NCK2: variants seen among roughly 807,000 people sequenced by gnomAD.
NCK2 encodes the protein NCK adaptor protein 2.
In NCK2, 16 loss-of-function variants were observed where a neutral mutation model predicts 33.9. The observed-to-expected ratio is 0.47, with a 90% confidence interval of 0.32 to 0.72. The LOEUF (loss-of-function observed/expected upper bound fraction) is 0.72. Among genes scored for constraint, NCK2 ranks in the 30% least tolerant of loss-of-function variants. The probability of loss-of-function intolerance (pLI) is 0.03; values close to 1 mark genes in which losing one functional copy is unlikely to be tolerated. For synonymous variants in NCK2, 273 were observed against 239.9 expected, an observed-to-expected ratio of 1.14 and a Z score of -1.27; for missense variants, 418 against 537.3, an observed-to-expected ratio of 0.78 and a Z score of 2.19.
At chr2:105,892,843 CT>C (rs1679045075) in intron 4 of NCK2, 138 bp from the exon 5 acceptor site, 1 of 608,238 alleles carries the variant, frequency 1.6e-6, no homozygotes, top group African/African-American at 2.0e-5. Context: ...GAAACTCCAT[CT>C]CAAAAAAAAA....
intron 1 of NCK2, among the ~76,000 whole-genome samples, chr2:105,779,940 A>G (rs1690433572): frequency 6.6e-6 from 1 of 152,122 alleles, no homozygotes; most frequent in Non-Finnish European, 1.5e-5. Flanking sequence ...GCGTGTACAT[A>G]TCCACATACT....
chr2:105,841,895 A>C (rs1359481157), intron 2 of NCK2, among the ~76,000 whole-genome samples: 1 of 152,176 alleles, frequency 6.6e-6, no homozygotes. Flanking sequence ...TAGACCCTTC[A>C]GAGAGGGGAA....
At chr2:105,870,134 G>T (rs963842361) in intron 3 of NCK2, among the ~76,000 whole-genome samples, 2 of 152,232 alleles carry the variant, frequency 1.3e-5, no homozygotes, top group Non-Finnish European at 2.9e-5. Flanking sequence ...GCATAGAGAT[G>T]TTGGAAGACA....
intron 2 of NCK2, among the ~76,000 whole-genome samples, chr2:105,842,098 T>G (rs1676670897): frequency 6.6e-6 from 1 of 152,052 alleles, no homozygotes; most frequent in South Asian, 2.1e-4. Context: ...TTTTTCTTTT[T>G]TTTTTTGAGC....
chr2:105,835,388 C>CGTATATATATATAT lies in NCK2; in HGVS notation c.-17+18775_-17+18776insGTATATATATATAT. On this transcript the variant is annotated intron_variant, in intron 2 of 4. Coordinates refer to ENST00000233154, the MANE Select transcript of NCK2 (RefSeq NM_003581.5). Reference sequence around the variant, plus strand: ...TTATATATATATACATATATATACACATATATATATATATATACGTGTATA... The same window carrying CGTATATATATATAT: ...TTATATATATATACATATATATACACGTATATATATATATATATATATATATATATACGTGTATA... Among the ~76,000 whole-genome samples the CGTATATATATATAT allele has an allele frequency of 1.4e-3, 75 of 52,040 alleles. 5 individuals are homozygous for CGTATATATATATAT. Among genetic ancestry groups the CGTATATATATATAT allele is most frequent in the South Asian group, 7.2e-3 (10 of 1,380 alleles). 34.1% of individuals were successfully genotyped at this position (52,040 alleles called of 152,430 possible). A position where few individuals can be genotyped will look rare whatever the true frequency, so the allele number is the denominator to read the frequency against.
intron 1 of NCK2, among the ~76,000 whole-genome samples, chr2:105,758,020 G>A (rs1045196243): frequency 3.3e-5 from 5 of 152,166 alleles, no homozygotes; most frequent in African/African-American, 1.2e-4. Context: ...AGCTCAGTTA[G>A]TTTGCTTAGG....
rs148839655 is a variant in NCK2, at chr2:105,861,903, T to TCCTC, written c.226+6644_226+6647dup. Among the ~76,000 whole-genome samples, 857 of 114,736 alleles carry TCCTC rather than the reference T, an allele frequency of 7.5e-3. 5 individuals carry two copies. The highest frequency in any genetic ancestry group is 0.016 in the South Asian group (56 of 3,424). 75.3% of individuals were successfully genotyped at this position (114,736 alleles called of 152,430 possible). ...AAGATCAGACTGGCCTGGAATTCTT[T>TCCTC]CCTCCCTCCCTCCCTCCCTCCCTCC... On this transcript the variant is annotated intron_variant, in intron 3 of 4. Coordinates refer to ENST00000233154, the MANE Select transcript of NCK2 (RefSeq NM_003581.5).
chr2:105,753,215 C>A (rs1026112798), intron 1 of NCK2, among the ~76,000 whole-genome samples: 2 of 152,202 alleles, frequency 1.3e-5, no homozygotes, highest in African/African-American at 4.8e-5. Flanking sequence ...CAGGTTCATT[C>A]TGGGAACGCC....
chr2:105,768,241 A>G (rs1357064179), intron 1 of NCK2, among the ~76,000 whole-genome samples: 1 of 152,240 alleles, frequency 6.6e-6, no homozygotes, highest in Non-Finnish European at 1.5e-5. Context: ...ACAGCAAGAC[A>G]TAGCTGGACT....
chr2:105,819,114 C>T (rs576117835), intron 2 of NCK2, among the ~76,000 whole-genome samples: 7 of 152,042 alleles, frequency 4.6e-5, no homozygotes, highest in African/African-American at 2.4e-5. Flanking sequence ...GGTCGGCAGT[C>T]GGGGGTTGGC....
At chr2:105,770,307 A>G (rs10167046) in intron 1 of NCK2, among the ~76,000 whole-genome samples, 71,835 of 151,940 alleles carry the variant, frequency 0.47, 18,025 homozygotes, top group African/African-American at 0.64. Context: ...AATTTCTGTT[A>G]CAGTGTGACT....
chr2:105,784,013 C>T (rs1307743465), intron 1 of NCK2, among the ~76,000 whole-genome samples: 2 of 152,238 alleles, frequency 1.3e-5, no homozygotes, highest in Non-Finnish European at 2.9e-5. Flanking sequence ...TTCAGCTGGA[C>T]GGCAGGTCCC....
chr2:105,884,644 C>A (rs1371816767), intron 4 of NCK2, among the ~76,000 whole-genome samples: 2 of 152,162 alleles, frequency 1.3e-5, no homozygotes, highest in Non-Finnish European at 2.9e-5. Flanking sequence ...ACAAACATTG[C>A]CACATGCTAC....
At chr2:105,770,382 A>G (rs1690094174) in intron 1 of NCK2, among the ~76,000 whole-genome samples, 1 of 152,206 alleles carries the variant, frequency 6.6e-6, no homozygotes, top group Non-Finnish European at 1.5e-5. Context: ...TGATGTTTGC[A>G]TCTGGCTTTG....
chr2:105,800,368 A>G (rs973037936), intron 1 of NCK2, among the ~76,000 whole-genome samples: 8 of 152,222 alleles, frequency 5.3e-5, no homozygotes, highest in Non-Finnish European at 1.0e-4. Context: ...AAGAGGGCCT[A>G]GTCTGGTCTG....
At chr2:105,781,149 A>G (rs1573584668) in intron 1 of NCK2, among the ~76,000 whole-genome samples, 1 of 148,642 alleles carries the variant, frequency 6.7e-6, no homozygotes, top group Non-Finnish European at 1.5e-5. Context: ...CTTATAAACT[A>G]TTAGCTTCCC....
chr2:105,788,622 C>T (rs1690764618), intron 1 of NCK2, among the ~76,000 whole-genome samples: 1 of 152,116 alleles, frequency 6.6e-6, no homozygotes, highest in African/African-American at 2.4e-5. Flanking sequence ...TTAAATAAGA[C>T]ACTTCTGTTG....
At chr2:105,836,079 C>A in intron 2 of NCK2, among the ~76,000 whole-genome samples, 1 of 102,118 alleles carries the variant, frequency 9.8e-6, no homozygotes, top group African/African-American at 5.5e-5. Flanking sequence ...TCCTTAAGAT[C>A]ATTATTTTAG....
At chr2:105,774,479 T>C (rs1573576736) in intron 1 of NCK2, among the ~76,000 whole-genome samples, 1 of 152,086 alleles carries the variant, frequency 6.6e-6, no homozygotes, top group Non-Finnish European at 1.5e-5. Flanking sequence ...CAGAATCTGG[T>C]GGCCCTCCCT....
Sources: allele counts gnomAD v4.1 joint callset (sites outside exome capture counted in the v4.1 genomes callset), GRCh38; gene constraint gnomAD v4.1.1; transcripts MANE v1.5; gene names NCBI Gene and HGNC (gene_info 2026-07-23, HGNC 2026-07-21).